Variants in LIPJ observed in about 807,000 individuals in gnomAD.
The protein encoded by LIPJ is lipase member J.
A neutral mutation model predicts 39.8 loss-of-function variants in LIPJ; 33 were observed. The observed-to-expected ratio is 0.83, with a 90% confidence interval of 0.63 to 1.11. LIPJ has a LOEUF of 1.11. Ranked by LOEUF, LIPJ falls within the 50% of genes least tolerant of loss-of-function variation. The pLI, the probability that LIPJ is intolerant of heterozygous loss-of-function variation, is 0.00. For missense variants in LIPJ, 422 were observed against 427.9 expected (o/e 0.99, Z 0.12); for synonymous variants, 128 against 139.2 (o/e 0.92, Z 0.57).
chr10:88,585,935 A>C (rs367823837), upstream of LIPJ, among the ~76,000 whole-genome samples: 117 of 152,320 alleles, frequency 7.7e-4, no homozygotes, highest in African/African-American at 2.5e-3. Context: ...GTTATCACTT[A>C]CATTTGTGTC....
chr10:88,610,079 T>G (rs1242195621), downstream of LIPJ, among the ~76,000 whole-genome samples: 1 of 152,128 alleles, frequency 6.6e-6, no homozygotes, highest in South Asian at 2.1e-4. Context: ...ATCCTCAGCC[T>G]TTGGGTTGTA....
upstream of LIPJ, among the ~76,000 whole-genome samples, chr10:88,586,052 T>C (rs1346928303): frequency 6.6e-6 from 1 of 152,242 alleles, no homozygotes; most frequent in Non-Finnish European, 1.5e-5. Context: ...CTTACGCTGT[T>C]CTCTGTGTAT....
chr10:88,595,852 G>C (rs1470309223), intron 6 of LIPJ, among the ~76,000 whole-genome samples: 2 of 151,536 alleles, frequency 1.3e-5, no homozygotes, highest in African/African-American at 2.4e-5. Flanking sequence ...TGTATAAGAA[G>C]ATAAGGAGTT....
intron 8 of LIPJ, among the ~76,000 whole-genome samples, chr10:88,601,480 T>C (rs1851475165): frequency 6.6e-6 from 1 of 152,214 alleles, no homozygotes; most frequent in South Asian, 2.1e-4. Flanking sequence ...CTATGGCCTT[T>C]AGTCCAACTC....
At chr10:88,591,539 C>T in intron 4 of LIPJ, 41 bp downstream of exon 4, 2 of 1,549,226 alleles carry the variant, frequency 1.3e-6, no homozygotes, top group East Asian at 2.3e-5. Context: ...AATCTGGGGC[C>T]TGAAGTTCTT....
At chr10:88,614,485 A>T in the LIPJ span, among the ~76,000 whole-genome samples, 289 of 152,236 alleles carry the variant, frequency 1.9e-3, no homozygotes, top group Non-Finnish European at 3.0e-3. Context: ...AGAAGTATGA[A>T]ATACCTTGAA....
At chr10:88,593,658 G>T (rs1338772999) in intron 4 of LIPJ, 2 of 235,568 alleles carry the variant, frequency 8.5e-6, no homozygotes, top group Non-Finnish European at 8.2e-6. Context: ...GTGTATGAGT[G>T]CTTGAATTAC....
chr10:88,601,945 T>C (rs536892790), intron 8 of LIPJ, among the ~76,000 whole-genome samples: 256 of 152,264 alleles, frequency 1.7e-3, no homozygotes, highest in African/African-American at 5.8e-3. Context: ...GTACTCTACA[T>C]GTCTGGTTCA....
At chr10:88,593,081 C>T (rs967245130) in intron 4 of LIPJ, 2 of 151,910 alleles carry the variant, frequency 1.3e-5, no homozygotes, top group Non-Finnish European at 2.9e-5. Flanking sequence ...AGTGGATCTC[C>T]TGAAGAGCAA....
At chr10:88,622,154 C>T in the LIPJ span, among the ~76,000 whole-genome samples, 1 of 152,196 alleles carries the variant, frequency 6.6e-6, no homozygotes, top group Non-Finnish European at 1.5e-5. Context: ...TATCTTCTCA[C>T]AGGGCAGCTC....
chr10:88,590,592 A>G, exon 3 of LIPJ: 1 of 961,308 alleles, frequency 1.0e-6, no homozygotes, highest in Non-Finnish European at 1.7e-6. Context: ...TAGGTCCCAA[A>G]CGTGGTATCT....
At chr10:88,583,818 A>G (rs1368630176), upstream of LIPJ, 10 of 653,620 alleles carry the variant, frequency 1.5e-5, no homozygotes, top group Non-Finnish European at 1.9e-5. Context: ...TCAAACTTGT[A>G]AAGATTAAAG....
chr10:88,621,958 T>G, the LIPJ span, among the ~76,000 whole-genome samples: 1 of 151,760 alleles, frequency 6.6e-6, no homozygotes, highest in African/African-American at 2.4e-5. Context: ...TAAGAGAGAG[T>G]CGGGGATGCA....
At chr10:88,598,091 A>G (rs189061177) in intron 8 of LIPJ, among the ~76,000 whole-genome samples, 3 of 151,994 alleles carry the variant, frequency 2.0e-5, no homozygotes, top group Non-Finnish European at 4.4e-5. Flanking sequence ...TTTAGCTGAA[A>G]TTGTAGGAAG....
chr10:88,587,482 A>C (rs2134535056), intron 2 of LIPJ, 90 bp downstream of exon 2: 1 of 152,220 alleles, frequency 6.6e-6, no homozygotes, highest in African/African-American at 2.4e-5. Context: ...ATAATTCTCA[A>C]GTCATCTTTT....
At chr10:88,602,685 C>G in intron 9 of LIPJ, 38 bp downstream of exon 9, 1 of 1,166,584 alleles carries the variant, frequency 8.6e-7, no homozygotes, top group Non-Finnish European at 1.2e-6. Context: ...CAATTTAATT[C>G]ATGCTACTCA....
At chr10:88,603,767 TGGGTAA>T (rs1023502552) in intron 9 of LIPJ, among the ~76,000 whole-genome samples, 15 of 152,204 alleles carry the variant, frequency 9.9e-5, no homozygotes, top group Non-Finnish European at 1.9e-4. Flanking sequence ...GTTAAGATAT[TGGGTAA>T]GGCTTTTTCA....
intron 9 of LIPJ, among the ~76,000 whole-genome samples, chr10:88,602,858 G>A (rs1001414023): frequency 3.9e-5 from 6 of 152,186 alleles, no homozygotes; most frequent in East Asian, 1.9e-4. Flanking sequence ...TTGGGAGGCC[G>A]AGGCGGGTGG....
chr10:88,617,374 C>T, the LIPJ span, among the ~76,000 whole-genome samples: 3 of 152,042 alleles, frequency 2.0e-5, no homozygotes, highest in Non-Finnish European at 4.4e-5. Flanking sequence ...GTAAATCTGC[C>T]TACATAATAA....
Sources: allele counts gnomAD v4.1 joint callset (sites outside exome capture counted in the v4.1 genomes callset), GRCh38; gene constraint gnomAD v4.1.1; transcripts MANE v1.5; gene names NCBI Gene and HGNC (gene_info 2026-07-23, HGNC 2026-07-21).